The following BPHL variants were observed in gnomAD, a reference collection of about 807,000 sequenced individuals.
The protein encoded by BPHL is serine hydrolase BPHL.
A neutral mutation model predicts 31.2 loss-of-function variants in BPHL; 27 were observed. The ratio of observed to expected loss-of-function variants is 0.87; its 90% CI spans 0.64 to 1.19. The LOEUF (loss-of-function observed/expected upper bound fraction) is 1.19. Ranked by LOEUF, BPHL falls within the 50% of genes most tolerant of loss-of-function variation. The pLI, the probability that BPHL is intolerant of heterozygous loss-of-function variation, is 0.00. For missense variants in BPHL, 356 were observed against 375.7 expected (o/e 0.95, Z 0.43); for synonymous variants, 150 against 146.8 (o/e 1.02, Z -0.16).
upstream of BPHL, chr6:3,118,683 G>T: frequency 1.8e-5 from 21 of 1,189,714 alleles, no homozygotes; most frequent in Middle Eastern, 2.2e-4. Context: ...AGAGTGGGCC[G>T]GGTACCGCGC....
rs555488401 is a variant in BPHL at position 3,152,188 on chromosome 6, TCA to T, written c.789-299_789-298del. On this transcript the variant is annotated intron_variant, in intron 6 of 6. Coordinates refer to ENST00000380379, the MANE Select transcript of BPHL (RefSeq NM_004332.4). Reference sequence around the variant, plus strand: ...AACCACCAGATCACCTCCCCCACTCTCAGTCCGTTTTCCAGTCAAACCATTTG... The same window carrying T: ...AACCACCAGATCACCTCCCCCACTCTGTCCGTTTTCCAGTCAAACCATTTG... Among the ~76,000 whole-genome samples the T allele has an allele frequency of 1.6e-3, 241 of 152,326 alleles. 2 individuals carry two copies. Among genetic ancestry groups the T allele is most frequent in the African/African-American group, 5.4e-3 (224 of 41,576 alleles).
chr6:3,144,591 C>T (rs990468195), intron 6 of BPHL, among the ~76,000 whole-genome samples: 4 of 151,764 alleles, frequency 2.6e-5, no homozygotes, highest in Admixed American at 6.6e-5. Flanking sequence ...AGGGCCTTGC[C>T]GTGTTGTCCA....
chr6:3,145,956 T>C (rs1581486052), intron 6 of BPHL, among the ~76,000 whole-genome samples: 1 of 63,846 alleles, frequency 1.6e-5, no homozygotes, highest in South Asian at 4.0e-4. Flanking sequence ...CCAGCTGGAG[T>C]GCTGGTTTGG....
intron 6 of BPHL, among the ~76,000 whole-genome samples, chr6:3,144,319 G>T: frequency 6.6e-6 from 1 of 151,284 alleles, no homozygotes; most frequent in Non-Finnish European, 1.5e-5. Flanking sequence ...CACCCGCCTC[G>T]GCCTCCCAAA....
In BPHL at chr6:3,137,348, C is replaced by T. The variant is rs921883838; in HGVS notation, c.533-14C>T. On this transcript the variant is annotated splice_polypyrimidine_tract_variant and intron_variant, in intron 4 of 6. Coordinates refer to ENST00000380379, the MANE Select transcript of BPHL (RefSeq NM_004332.4). ...GAAATTAAACCTTTCTTCGCCTACA[C>T]TTCTGTTTTTCAGGCATCCGAGATG... 13 of 1,610,334 alleles carry T rather than the reference C, an allele frequency of 8.1e-6. No individual in the cohort carries two copies. In the South Asian group the frequency reaches 1.3e-4, roughly 16 times the overall value.
intron 5 of BPHL, among the ~76,000 whole-genome samples, 166 bp downstream of exon 5, chr6:3,137,659 T>C (rs1581475781): frequency 6.6e-6 from 1 of 152,296 alleles, no homozygotes; most frequent in Non-Finnish European, 1.5e-5. Context: ...TGCCAGTTCT[T>C]GGGCAGTCAA....
chr6:3,140,530 C>A lies in BPHL; in HGVS notation c.788+21C>A. On this transcript the variant is annotated intron_variant, in intron 6 of 6. Coordinates refer to ENST00000380379, the MANE Select transcript of BPHL (RefSeq NM_004332.4). The surrounding 1 kb of genome is among the most constrained non-coding windows in gnomAD (Gnocchi z 5.2). ...TCACGGTAAGTCCTGTCACCGCCTT[C>A]ACACTCCCCCCGAGAGCCTCGGAGT... The A allele has an allele frequency of 6.2e-7, 1 of 1,612,312 alleles. No homozygotes were observed. Among genetic ancestry groups the A allele is most frequent in the Non-Finnish European group, 8.5e-7 (1 of 1,179,730 alleles).
At chr6:3,132,198 C>T (rs1394961660) in intron 4 of BPHL, among the ~76,000 whole-genome samples, 1 of 152,186 alleles carries the variant, frequency 6.6e-6, no homozygotes, top group African/African-American at 2.4e-5. Flanking sequence ...AGAGACCAAG[C>T]CCCCACCACG....
At chr6:3,123,820 A>ACTGTGAAATCACAG in intron 2 of BPHL, 60 bp downstream of exon 2, 2 of 1,326,048 alleles carry the variant, frequency 1.5e-6, no homozygotes, top group Non-Finnish European at 2.1e-6. Flanking sequence ...TGCATTCACA[A>ACTGTGAAATCACAG]TACTAGATGC....
intron 5 of BPHL, chr6:3,137,894 T>C (rs1762056161): frequency 1.1e-6 from 1 of 873,484 alleles, no homozygotes; most frequent in Non-Finnish European, 1.6e-6. Context: ...CATTTAGATG[T>C]GTCTCCCCAC....
chr6:3,132,682 CGTAGTCAG>C (rs2113757689), intron 4 of BPHL, among the ~76,000 whole-genome samples: 1 of 152,024 alleles, frequency 6.6e-6, no homozygotes, highest in East Asian at 1.9e-4. Context: ...AAATACAAAA[CGTAGTCAG>C]GTGTGGTGGC....
rs969343705 is a variant in BPHL at position 3,118,904 on chromosome 6, C to T, written c.107+57C>T. On this transcript the variant is annotated intron_variant, in intron 1 of 6. Coordinates refer to ENST00000380379, the MANE Select transcript of BPHL (RefSeq NM_004332.4). ...CAGCATCGGCGCGCTCGAGGGGCGG[C>T]GGGAGGGGCGCGTGCCGACAGCAGG... The T allele has an allele frequency of 1.8e-4, 213 of 1,201,388 alleles. 1 individual carries two copies. Among genetic ancestry groups the T allele is most frequent in the Non-Finnish European group, 2.1e-4 (203 of 960,198 alleles). The allele number at this position is 1,201,388 out of a possible 1,614,324, so 74.4% of individuals were successfully genotyped here.
Position 3,152,761 on chromosome 6 carries a change from T to C in BPHL, c.*186T>C, listed in dbSNP as rs531255452. On this transcript the variant is annotated 3_prime_UTR_variant, in exon 7 of 7. Coordinates refer to ENST00000380379, the MANE Select transcript of BPHL (RefSeq NM_004332.4). Reference sequence around the variant, plus strand: ...CTAGCTTCAGGCTGGGCACGGTGGCTCACAGCTATAATCTCAGCACTTTGG... The same window carrying C: ...CTAGCTTCAGGCTGGGCACGGTGGCCCACAGCTATAATCTCAGCACTTTGG... 1.3e-5 allele frequency: 7 copies of C among 529,380 alleles called. No individual in the cohort carries two copies. The highest frequency in any genetic ancestry group is 9.8e-5 in the African/African-American group (5 of 51,090). The allele number at this position is 529,380 out of a possible 1,614,324, so 32.8% of individuals were successfully genotyped here.
intron 6 of BPHL, among the ~76,000 whole-genome samples, chr6:3,145,223 CGAGTGCTGGTTCGGGTG>C (rs1762300095): frequency 1.0e-4 from 1 of 9,690 alleles, no homozygotes; most frequent in Admixed American, 8.9e-4. Flanking sequence ...GGTTCGGGTC[CGAGTGCTGGTTCGGGTG>C]GAGTGCTGGT....
At chr6:3,119,300 T>A in intron 1 of BPHL, 1 of 1,545,830 alleles carries the variant, frequency 6.5e-7, no homozygotes, top group Non-Finnish European at 8.7e-7. Context: ...AGCCTGAGCC[T>A]GAGTACCGCT....
At chr6:3,131,220 A>G (rs1305613126) in intron 4 of BPHL, among the ~76,000 whole-genome samples, 1 of 151,874 alleles carries the variant, frequency 6.6e-6, no homozygotes, top group East Asian at 1.9e-4. Context: ...TTCCTTCTTT[A>G]GTCCATTCTG....
chr6:3,138,792 T>C (rs1474533932), intron 5 of BPHL: 4 of 152,180 alleles, frequency 2.6e-5, no homozygotes, highest in Non-Finnish European at 5.9e-5. Flanking sequence ...AACTTGGATG[T>C]TTTGTTGAAG....
chr6:3,152,445 G>A (rs1415782273), intron 6 of BPHL, 43 bp from the exon 7 acceptor site: 2 of 1,553,746 alleles, frequency 1.3e-6, no homozygotes. Context: ...TTGTTCTTAA[G>A]TGGTGGGCCA....
At chr6:3,138,139 C>G (rs1013800460) in intron 5 of BPHL, 29 of 558,576 alleles carry the variant, frequency 5.2e-5, no homozygotes, top group African/African-American at 4.9e-4. Flanking sequence ...CTGCCTCAGC[C>G]TCCCAAGTAG....
Sources: gnomAD v4.1 joint callset for allele counts (sites outside exome capture counted in the v4.1 genomes callset) on GRCh38, gnomAD v4.1.1 for gene constraint, Gnocchi (gnomAD v3.1) non-coding constraint, MANE v1.5 for transcripts, NCBI Gene and HGNC (gene_info 2026-07-23, HGNC 2026-07-21) for gene names.